Variants in TMEM163 observed in about 807,000 individuals in gnomAD.
TMEM163 encodes the protein transmembrane protein 163.
A neutral mutation model predicts 29.3 loss-of-function variants in TMEM163; 17 were observed. That is an observed-to-expected ratio of 0.58 (90% CI 0.40 to 0.87). The LOEUF (loss-of-function observed/expected upper bound fraction) is 0.87, where lower values mean the gene tolerates loss of function less well. Ranked by LOEUF, TMEM163 falls within the 40% of genes least tolerant of loss-of-function variation. TMEM163 has a pLI of 0.00. For synonymous variants in TMEM163, 157 were observed against 160.6 expected (o/e 0.98, Z 0.17); for missense variants, 303 against 381.5 (o/e 0.79, Z 1.71).
chr2:134,599,596 C>T (rs1376194302), intron 2 of TMEM163, among the ~76,000 whole-genome samples: 4 of 152,138 alleles, frequency 2.6e-5, no homozygotes, highest in Admixed American at 1.3e-4. Context: ...TTCTAAGCCA[C>T]CCAGTCTATG....
chr2:134,601,369 G>A (rs955942740), intron 2 of TMEM163, among the ~76,000 whole-genome samples: 2 of 152,116 alleles, frequency 1.3e-5, no homozygotes, highest in East Asian at 1.9e-4. Flanking sequence ...CACAAGAAAC[G>A]ATCGTGGGAT....
At chr2:134,569,639 G>A (rs1322284411) in intron 2 of TMEM163, among the ~76,000 whole-genome samples, 1 of 151,918 alleles carries the variant, frequency 6.6e-6, no homozygotes, top group Non-Finnish European at 1.5e-5. Flanking sequence ...ATCGTATTCT[G>A]TTTCAGTACT....
chr2:134,665,563 G>A lies in TMEM163; in HGVS notation c.322+47637C>T, dbSNP rs74861244. 2.8e-3 allele frequency among the ~76,000 whole-genome samples: 433 copies of A among 152,228 alleles called. 4 individuals are homozygous for A. Among genetic ancestry groups the A allele is most frequent in the African/African-American group, 9.8e-3 (406 of 41,542 alleles). On this transcript the variant is annotated intron_variant, in intron 2 of 7. Coordinates refer to ENST00000281924, the MANE Select transcript of TMEM163 (RefSeq NM_030923.5). ...CCCTGGCCATATCTAATGCCACCTGGAGGATCAGGGTCTGTGTGAATGGTC... is the reference window on the plus strand; with the variant it reads ...CCCTGGCCATATCTAATGCCACCTGAAGGATCAGGGTCTGTGTGAATGGTC...
intron 2 of TMEM163, among the ~76,000 whole-genome samples, chr2:134,646,594 A>G (rs1683343166): frequency 6.6e-6 from 1 of 151,936 alleles, no homozygotes; most frequent in South Asian, 2.1e-4. Flanking sequence ...ACAGGTGTGC[A>G]TCACCATGCC....
At chr2:134,612,290 T>C (rs1384653458) in intron 2 of TMEM163, among the ~76,000 whole-genome samples, 1 of 152,156 alleles carries the variant, frequency 6.6e-6, no homozygotes, top group Non-Finnish European at 1.5e-5. Flanking sequence ...CCTCTAGTAG[T>C]CAAGGCATAA....
intron 2 of TMEM163, among the ~76,000 whole-genome samples, chr2:134,637,153 C>T (rs893070823): frequency 1.3e-5 from 2 of 152,184 alleles, no homozygotes; most frequent in Admixed American, 1.3e-4. Context: ...AATTGTTGGG[C>T]GATTACAAAA....
chr2:134,492,284 C>A (rs1679446617), intron 5 of TMEM163, among the ~76,000 whole-genome samples: 1 of 152,188 alleles, frequency 6.6e-6, no homozygotes, highest in African/African-American at 2.4e-5. Context: ...TGGATCTGAG[C>A]AGAATTGCTA....
chr2:134,474,649 A>T (rs933178982), intron 5 of TMEM163, among the ~76,000 whole-genome samples: 1 of 152,190 alleles, frequency 6.6e-6, no homozygotes, highest in Non-Finnish European at 1.5e-5. Context: ...AAACATACTT[A>T]TTAGAACTAT....
chr2:134,562,225 G>A (rs945120313), intron 2 of TMEM163, among the ~76,000 whole-genome samples: 1 of 152,108 alleles, frequency 6.6e-6, no homozygotes, highest in Non-Finnish European at 1.5e-5. Flanking sequence ...AATGCTCCTT[G>A]CCTTCTCCCA....
chr2:134,601,190 C>A (rs1260366670), intron 2 of TMEM163, among the ~76,000 whole-genome samples: 1 of 152,044 alleles, frequency 6.6e-6, no homozygotes, highest in African/African-American at 2.4e-5. Flanking sequence ...CCTAAAAGGT[C>A]TTTTTTTCTT....
At chr2:134,574,443 C>G (rs1341872708) in intron 2 of TMEM163, among the ~76,000 whole-genome samples, 1 of 152,028 alleles carries the variant, frequency 6.6e-6, no homozygotes, top group African/African-American at 2.4e-5. Context: ...ACCTGTAGTC[C>G]CAGCTACTCG....
At chr2:134,550,019 T>G (rs899429447) in intron 4 of TMEM163, among the ~76,000 whole-genome samples, 1 of 152,138 alleles carries the variant, frequency 6.6e-6, no homozygotes, top group South Asian at 2.1e-4. Flanking sequence ...CTTATTACCC[T>G]GGGGTTTACA....
intron 2 of TMEM163, among the ~76,000 whole-genome samples, chr2:134,621,684 A>T (rs1682738429): frequency 6.6e-6 from 1 of 151,812 alleles, no homozygotes; most frequent in African/African-American, 2.4e-5. Flanking sequence ...AGGTCAGGAG[A>T]TCGAGACCAT....
intron 6 of TMEM163, among the ~76,000 whole-genome samples, chr2:134,461,569 T>C (rs1035587158): frequency 6.6e-6 from 1 of 152,110 alleles, no homozygotes; most frequent in Non-Finnish European, 1.5e-5. Flanking sequence ...CCAGTCCCAA[T>C]AGCAACAAAC....
intron 2 of TMEM163, among the ~76,000 whole-genome samples, chr2:134,604,279 A>T (rs137947293): frequency 1.3e-5 from 2 of 152,152 alleles, no homozygotes; most frequent in Admixed American, 6.5e-5. Flanking sequence ...TCCATCTGTG[A>T]GGGGGACGGA....
In TMEM163 at chr2:134,594,803, T is replaced by A. The variant is rs1181051208; in HGVS notation, c.323-42712A>T. 3.3e-5 allele frequency among the ~76,000 whole-genome samples: 5 copies of A among 152,146 alleles called. No homozygotes were observed. In the East Asian group the frequency reaches 9.7e-4, roughly 29 times the overall value. On this transcript the variant is annotated intron_variant, in intron 2 of 7. Transcript: ENST00000281924. ...TGAATCCCACAGAATCTGCAGAATATAAACTTCAAGGTACAATAATATGCT... is the reference window on the plus strand; with the variant it reads ...TGAATCCCACAGAATCTGCAGAATAAAAACTTCAAGGTACAATAATATGCT...
intron 4 of TMEM163, among the ~76,000 whole-genome samples, chr2:134,548,278 T>C (rs1680834848): frequency 6.6e-6 from 1 of 152,140 alleles, no homozygotes; most frequent in Non-Finnish European, 1.5e-5. Context: ...AATATCAACA[T>C]GTAATGAACA....
chr2:134,582,643 C>A (rs1681722728), intron 2 of TMEM163, among the ~76,000 whole-genome samples: 1 of 152,152 alleles, frequency 6.6e-6, no homozygotes, highest in African/African-American at 2.4e-5. Flanking sequence ...GGTGCTAGGT[C>A]CTGCCATGTG....
intron 2 of TMEM163, among the ~76,000 whole-genome samples, chr2:134,580,955 G>C (rs1681678180): frequency 6.6e-6 from 1 of 152,132 alleles, no homozygotes; most frequent in African/African-American, 2.4e-5. Flanking sequence ...GTGGATGGTG[G>C]TTCTGGGTTT....
Sources: allele counts gnomAD v4.1 joint callset (sites outside exome capture counted in the v4.1 genomes callset), GRCh38; gene constraint gnomAD v4.1.1; transcripts MANE v1.5; gene names NCBI Gene and HGNC (gene_info 2026-07-23, HGNC 2026-07-21).